LUZP2: variants seen among roughly 807,000 people sequenced by gnomAD.
The protein encoded by LUZP2 is leucine zipper protein 2.
In LUZP2, 52 loss-of-function variants were observed where a neutral mutation model predicts 51.6. That is an observed-to-expected ratio of 1.01 (90% confidence interval 0.81 to 1.27). The LOEUF is 1.27. Among genes scored for constraint, LUZP2 ranks in the 50% most tolerant of loss-of-function variants. LUZP2 has a pLI of 0.00. For missense variants in LUZP2, 436 were observed against 395.4 expected, an observed-to-expected ratio of 1.10 and a Z score of -0.87; for synonymous variants, 154 against 137.3, an observed-to-expected ratio of 1.12 and a Z score of -0.85.
At chr11:24,765,893 T>C (rs1323939397) in intron 5 of LUZP2, among the ~76,000 whole-genome samples, 1 of 152,136 alleles carries the variant, frequency 6.6e-6, no homozygotes, top group Non-Finnish European at 1.5e-5. Context: ...CCCAAAGTGC[T>C]GGGATTACAG....
At chr11:24,574,241 T>C (rs1453381151) in intron 1 of LUZP2, among the ~76,000 whole-genome samples, 1 of 2,036 alleles carries the variant, frequency 4.9e-4, no homozygotes, top group Non-Finnish European at 1.9e-3. Flanking sequence ...TCTTTCTTTC[T>C]TTCTTTCTTT....
At position 24,558,557 on chromosome 11, in the gene LUZP2, T is replaced by C. The variant is rs139395856; in HGVS notation, c.62+61252T>C. ...AACGCAGGCAAAAATGTCAAGACAA[T>C]CTTGCAAATTAGAAAATTAGTCACT... On this transcript the variant is annotated intron_variant, in intron 1 of 11. Coordinates refer to ENST00000336930, the MANE Select transcript of LUZP2 (RefSeq NM_001009909.4). Among the ~76,000 whole-genome samples the C allele has an allele frequency of 2.8e-3, 432 of 152,222 alleles. 4 individuals carry two copies. Among genetic ancestry groups the C allele is most frequent in the African/African-American group, 9.7e-3 (401 of 41,548 alleles).
chr11:24,661,251 A>G (rs1203073970), intron 1 of LUZP2, among the ~76,000 whole-genome samples: 1 of 152,114 alleles, frequency 6.6e-6, no homozygotes, highest in Non-Finnish European at 1.5e-5. Flanking sequence ...CTATTAATAC[A>G]TTCAATAATA....
intron 1 of LUZP2, among the ~76,000 whole-genome samples, chr11:24,639,711 A>G (rs1248408717): frequency 6.6e-6 from 1 of 151,836 alleles, no homozygotes; most frequent in African/African-American, 2.4e-5. Context: ...TCAGCCTCCC[A>G]AAGTGCTGGG....
At chr11:24,975,988 C>G (rs1855872734) in intron 7 of LUZP2, among the ~76,000 whole-genome samples, 1 of 151,928 alleles carries the variant, frequency 6.6e-6, no homozygotes, top group Non-Finnish European at 1.5e-5. Flanking sequence ...AGTAAGGTGT[C>G]CATATATTTA....
chr11:25,053,065 T>C (rs969535659), intron 10 of LUZP2, among the ~76,000 whole-genome samples: 1 of 152,024 alleles, frequency 6.6e-6, no homozygotes, highest in East Asian at 1.9e-4. Flanking sequence ...TTAAAAATAA[T>C]TAAAGAGAGA....
rs150873938 is a variant in LUZP2 at position 24,826,994 on chromosome 11, T to A, written c.396+63686T>A. Among the ~76,000 whole-genome samples the A allele has an allele frequency of 1.6e-4, 24 of 152,212 alleles. No homozygotes were observed. In the East Asian group the frequency reaches 2.3e-3, roughly 15 times the overall value. ...AACCTATCAACATCTCATAGAATCC[T>A]TTTCAATAAAATTATAATGTCATTG... is the stretch of plus-strand genomic sequence containing the variant. On this transcript the variant is annotated intron_variant, in intron 5 of 11. Coordinates refer to ENST00000336930, the MANE Select transcript of LUZP2 (RefSeq NM_001009909.4).
chr11:25,006,054 A>G (rs530677637), intron 9 of LUZP2, among the ~76,000 whole-genome samples: 1 of 152,124 alleles, frequency 6.6e-6, no homozygotes, highest in East Asian at 1.9e-4. Context: ...GAGGCTCCCC[A>G]TATCCCCTGC....
At chr11:24,668,339 G>T (rs889397592) in intron 1 of LUZP2, among the ~76,000 whole-genome samples, 10 of 152,210 alleles carry the variant, frequency 6.6e-5, no homozygotes, top group Admixed American at 6.5e-4. Context: ...ATGGCTAGAT[G>T]CAGGAGGTCA....
Position 25,080,752 on chromosome 11 carries a change from C to T in LUZP2, c.*2094C>T, listed in dbSNP as rs1859438731. On this transcript the variant is annotated 3_prime_UTR_variant, in exon 12 of 12. Transcript: ENST00000336930. ...TCAGTCTCCCACCTCCACCCTGGGG[C>T]CCAACTTCCCTTGCAGGCCTTGTGG... The T allele has an allele frequency of 6.6e-6, 1 of 152,144 alleles. No homozygotes were observed. Among genetic ancestry groups the T allele is most frequent in the Non-Finnish European group, 1.5e-5 (1 of 68,052 alleles). 9.4% of individuals were successfully genotyped at this position (152,144 alleles called of 1,614,324 possible).
intron 5 of LUZP2, among the ~76,000 whole-genome samples, chr11:24,860,719 A>G (rs1421297192): frequency 6.6e-6 from 1 of 152,116 alleles, no homozygotes; most frequent in African/African-American, 2.4e-5. Flanking sequence ...GGACCTGACT[A>G]TTGAAAGAAA....
chr11:24,897,846 A>T (rs534499435), intron 5 of LUZP2, among the ~76,000 whole-genome samples: 2 of 152,158 alleles, frequency 1.3e-5, no homozygotes, highest in Admixed American at 6.5e-5. Flanking sequence ...TGATTTACTT[A>T]TGGATTCTCA....
chr11:25,058,073 C>T (rs1858738611), intron 10 of LUZP2, among the ~76,000 whole-genome samples: 1 of 151,502 alleles, frequency 6.6e-6, no homozygotes, highest in Non-Finnish European at 1.5e-5. Flanking sequence ...TGAGAGACCA[C>T]ACAGCACTGT....
Position 24,983,230 on chromosome 11 carries a change from T to G in LUZP2, c.702T>G (p.Thr234=), listed in dbSNP as rs1312852130. 1 of 1,612,284 alleles carries G rather than the reference T, an allele frequency of 6.2e-7. No homozygotes were observed. Among genetic ancestry groups the G allele is most frequent in the African/African-American group, 1.3e-5 (1 of 74,852 alleles). ...TGAGTTTAATCACATCAAATCCAACTCGGATGTTACTCCCACCCAGGAATA... is the reference window on the plus strand; with the variant it reads ...TGAGTTTAATCACATCAAATCCAACGCGGATGTTACTCCCACCCAGGAATA... ...PPLSLITSNP[T]RMLLPPRNIA... Residue 234 remains threonine, a synonymous_variant, in exon 9 of 12, where the codon ACT becomes ACG. Coordinates refer to ENST00000336930, the MANE Select transcript of LUZP2 (RefSeq NM_001009909.4).
intron 9 of LUZP2, among the ~76,000 whole-genome samples, chr11:25,020,265 A>C (rs4348848): frequency 0.58 from 88,623 of 151,692 alleles, 27,097 homozygotes; most frequent in African/African-American, 0.77. Context: ...TAGTGCTACT[A>C]ATATCATTTG....
chr11:24,602,199 CAT>C lies in LUZP2; in HGVS notation c.62+104899_62+104900del, dbSNP rs1326681209. Among the ~76,000 whole-genome samples, 420 of 73,420 alleles carry C rather than the reference CAT, an allele frequency of 5.7e-3. 21 individuals carry two copies. In the East Asian group the frequency reaches 0.1, roughly 17 times the overall value. The allele number at this position is 73,420 out of a possible 152,430, so 48.2% of individuals were successfully genotyped here. The stretch of plus-strand genomic sequence containing the variant: ...ATATGTGTATATATGTATATATGTA[CAT>C]ATATGTGTATATATGTATATATGTA... On this transcript the variant is annotated intron_variant, in intron 1 of 11. Coordinates refer to ENST00000336930, the MANE Select transcript of LUZP2 (RefSeq NM_001009909.4).
Position 24,922,848 on chromosome 11 carries a change from T to C in LUZP2, c.522+8310T>C, listed in dbSNP as rs992670231. ...ATCTTTTTTTTTTTCTTTTTTTTTT[T>C]TTTTTTTTTTTTTTTTTTTAGAGGG... On this transcript the variant is annotated intron_variant, in intron 7 of 11. Transcript: ENST00000336930. Among the ~76,000 whole-genome samples, 132 of 132,156 alleles carry C rather than the reference T, an allele frequency of 1.0e-3. 1 individual carries two copies. Among genetic ancestry groups the C allele is most frequent in the Admixed American group, 4.5e-3 (58 of 13,008 alleles). 86.7% of individuals were successfully genotyped at this position (132,156 alleles called of 152,430 possible). A position where few individuals can be genotyped will look rare whatever the true frequency, so the allele number is the denominator to read the frequency against.
intron 7 of LUZP2, among the ~76,000 whole-genome samples, chr11:24,920,991 C>T (rs932310588): frequency 1.3e-5 from 2 of 151,712 alleles, no homozygotes; most frequent in African/African-American, 4.8e-5. Flanking sequence ...ATAATATATC[C>T]ATTAAAAATA....
chr11:24,633,758 G>T (rs940221654), intron 1 of LUZP2, among the ~76,000 whole-genome samples: 3 of 151,630 alleles, frequency 2.0e-5, no homozygotes, highest in African/African-American at 7.3e-5. Flanking sequence ...TCAAGAGGTG[G>T]CTGCTTATAT....
Sources: gnomAD v4.1 joint callset for allele counts (sites outside exome capture counted in the v4.1 genomes callset) on GRCh38, gnomAD v4.1.1 for gene constraint, MANE v1.5 for transcripts, NCBI Gene and HGNC (gene_info 2026-07-23, HGNC 2026-07-21) for gene names.